Variants in PCDH9 observed in about 807,000 individuals in gnomAD.
PCDH9 encodes the protein protocadherin 9.
Under a neutral mutation model 70.6 loss-of-function variants are expected in PCDH9, and 24 were observed. The observed-to-expected ratio is 0.34, with a 90% CI of 0.25 to 0.48. The LOEUF (loss-of-function observed/expected upper bound fraction) is 0.48. Among genes scored for constraint, PCDH9 ranks in the 20% least tolerant of loss-of-function variants. The pLI is 0.99. For missense variants in PCDH9, 1,281 were observed against 1,503.6 expected, an observed-to-expected ratio of 0.85 and a Z score of 2.45; for synonymous variants, 562 against 558.5, an observed-to-expected ratio of 1.01 and a Z score of -0.09.
intron 4 of PCDH9, among the ~76,000 whole-genome samples, chr13:66,596,735 T>C (rs2077107615): frequency 6.6e-6 from 1 of 151,640 alleles, no homozygotes; most frequent in Admixed American, 6.6e-5. Context: ...AATTCTCATA[T>C]ATACTTTGTA....
chr13:67,008,124 A>G (rs1691652698), intron 2 of PCDH9, among the ~76,000 whole-genome samples: 1 of 152,174 alleles, frequency 6.6e-6, no homozygotes, highest in Admixed American at 6.5e-5. Flanking sequence ...GAATAAGAGA[A>G]TAAGAAAAAA....
chr13:66,972,417 G>A lies in PCDH9; in HGVS notation c.3037-68812C>T, dbSNP rs746175068. On this transcript the variant is annotated intron_variant, in intron 2 of 4. Transcript: ENST00000377865. ...CTTAAAAGTATATTTTCTGCATACCGCCCTATTTTTTGATGGACCTTTTCT... is the reference window on the plus strand; with the variant it reads ...CTTAAAAGTATATTTTCTGCATACCACCCTATTTTTTGATGGACCTTTTCT... Among the ~76,000 whole-genome samples, 6 of 151,674 alleles carry A rather than the reference G, an allele frequency of 4.0e-5. No individual in the cohort carries two copies. In the South Asian group the frequency reaches 8.3e-4, roughly 21 times the overall value.
At chr13:66,571,298 T>C (rs1014125780) in intron 4 of PCDH9, among the ~76,000 whole-genome samples, 31 of 152,160 alleles carry the variant, frequency 2.0e-4, no homozygotes, top group African/African-American at 6.7e-4. Flanking sequence ...TCAAACAATA[T>C]CATAATTCAT....
chr13:67,198,686 A>C (rs1350969094), intron 2 of PCDH9, among the ~76,000 whole-genome samples: 1 of 151,932 alleles, frequency 6.6e-6, no homozygotes, highest in African/African-American at 2.4e-5. Flanking sequence ...CAGTCATAGT[A>C]TTTTAATGTG....
intron 2 of PCDH9, among the ~76,000 whole-genome samples, chr13:66,955,593 G>T (rs2083254958): frequency 6.6e-6 from 1 of 152,058 alleles, no homozygotes; most frequent in Non-Finnish European, 1.5e-5. Flanking sequence ...ACATGAATCA[G>T]TTTTTATTTT....
At chr13:66,595,782 G>T (rs571511304) in intron 4 of PCDH9, among the ~76,000 whole-genome samples, 1 of 151,452 alleles carries the variant, frequency 6.6e-6, no homozygotes, top group African/African-American at 2.4e-5. Flanking sequence ...ATATATTAAC[G>T]TATAGGAATT....
chr13:66,507,422 C>T lies in PCDH9; in HGVS notation c.3340+123788G>A, dbSNP rs1467174873. On this transcript the variant is annotated intron_variant, in intron 4 of 4. Transcript: ENST00000377865. ...AACTTTACAGGGAAGAAGAGGTGAG[C>T]TTTCTTTCTTTATGCCACCCCTCTA... 4.6e-5 allele frequency among the ~76,000 whole-genome samples: 7 copies of T among 152,202 alleles called. No individual in the cohort carries two copies. The East Asian group carries it at 1.4e-3, about 29-fold the overall frequency.
At chr13:66,381,184 G>A (rs941299800) in intron 4 of PCDH9, among the ~76,000 whole-genome samples, 1 of 152,108 alleles carries the variant, frequency 6.6e-6, no homozygotes, top group Non-Finnish European at 1.5e-5. Flanking sequence ...TATTCCTTAA[G>A]CTTCAATCAG....
intron 4 of PCDH9, among the ~76,000 whole-genome samples, chr13:66,456,016 C>A (rs1312812777): frequency 2.0e-5 from 3 of 151,972 alleles, no homozygotes. Flanking sequence ...ATTTGAAGGT[C>A]CATTGATCTT....
At chr13:67,219,620 C>T (rs2089680835) in intron 2 of PCDH9, 1 of 151,928 alleles carries the variant, frequency 6.6e-6, no homozygotes, top group Admixed American at 6.6e-5. Flanking sequence ...CTTGCATTTC[C>T]AAATTTTCAC....
At chr13:66,328,813 T>C (rs1323866936) in intron 4 of PCDH9, among the ~76,000 whole-genome samples, 2 of 152,170 alleles carry the variant, frequency 1.3e-5, no homozygotes, top group Non-Finnish European at 2.9e-5. Context: ...GAATTGAGCT[T>C]CAAAGAAATA....
At chr13:66,877,379 T>C (rs2081834195) in intron 3 of PCDH9, among the ~76,000 whole-genome samples, 1 of 149,182 alleles carries the variant, frequency 6.7e-6, no homozygotes, top group Non-Finnish European at 1.5e-5. Context: ...CTAGAAGGTT[T>C]AGTGGTTTTT....
intron 3 of PCDH9, among the ~76,000 whole-genome samples, chr13:66,761,631 T>A (rs1171247266): frequency 1.3e-5 from 2 of 152,190 alleles, no homozygotes; most frequent in African/African-American, 2.4e-5. Context: ...GCTGATAATA[T>A]GTATTGCAGT....
At chr13:66,410,524 C>G (rs2138321565) in intron 4 of PCDH9, among the ~76,000 whole-genome samples, 1 of 152,234 alleles carries the variant, frequency 6.6e-6, no homozygotes, top group East Asian at 1.9e-4. Flanking sequence ...TGTTACTGTT[C>G]AAAATGAATG....
intron 3 of PCDH9, among the ~76,000 whole-genome samples, chr13:66,775,359 C>T (rs767855437): frequency 2.0e-5 from 3 of 152,112 alleles, no homozygotes; most frequent in African/African-American, 4.8e-5. Flanking sequence ...TTAAGCTGGA[C>T]GAGCAGGTAC....
At chr13:67,004,612 TATAAC>T (rs918921866) in intron 2 of PCDH9, among the ~76,000 whole-genome samples, 2 of 152,024 alleles carry the variant, frequency 1.3e-5, no homozygotes, top group Non-Finnish European at 2.9e-5. Flanking sequence ...TCATTTTTGT[TATAAC>T]ATATTTCAAA....
chr13:66,417,173 C>T (rs544432257), intron 4 of PCDH9, among the ~76,000 whole-genome samples: 108 of 152,248 alleles, frequency 7.1e-4, no homozygotes, highest in African/African-American at 2.5e-3. Flanking sequence ...CTATTCCTCC[C>T]CCTTACCCAC....
At chr13:66,962,313 C>CTCCA (rs1594318019) in intron 2 of PCDH9, among the ~76,000 whole-genome samples, 1 of 152,208 alleles carries the variant, frequency 6.6e-6, no homozygotes, top group East Asian at 1.9e-4. Flanking sequence ...TCTGCAGGTA[C>CTCCA]TCCAGCACAG....
intron 2 of PCDH9, among the ~76,000 whole-genome samples, chr13:67,055,677 T>C (rs1054249307): frequency 2.0e-5 from 3 of 151,626 alleles, no homozygotes; most frequent in African/African-American, 4.8e-5. Context: ...GGTGTGCACC[T>C]GTAGTCCCAG....
Sources: gnomAD v4.1 joint callset for allele counts (sites outside exome capture counted in the v4.1 genomes callset) on GRCh38, gnomAD v4.1.1 for gene constraint, MANE v1.5 for transcripts, NCBI Gene and HGNC (gene_info 2026-07-23, HGNC 2026-07-21) for gene names.